Variants in AGBL4 observed in about 807,000 individuals in gnomAD.
AGBL4 encodes AGBL carboxypeptidase 4, also known as cytosolic carboxypeptidase 6.
In AGBL4, 58 loss-of-function variants were observed where a neutral mutation model predicts 66.4. The observed-to-expected ratio is 0.87, with a 90% CI of 0.71 to 1.09. The LOEUF (loss-of-function observed/expected upper bound fraction) is 1.09, where lower values mean the gene tolerates loss of function less well. AGBL4 is among the 50% of genes least tolerant of loss of function. The probability of loss-of-function intolerance (pLI) is 0.00; values close to 1 mark genes in which losing one functional copy is unlikely to be tolerated. For missense variants in AGBL4, 579 were observed against 631.0 expected, an observed-to-expected ratio of 0.92 and a Z score of 0.88; for synonymous variants, 234 against 222.9, an observed-to-expected ratio of 1.05 and a Z score of -0.44.
intron 3 of AGBL4, among the ~76,000 whole-genome samples, chr1:49,263,225 C>G (rs929388823): frequency 2.1e-5 from 3 of 142,702 alleles, no homozygotes; most frequent in Non-Finnish European, 4.8e-5. Flanking sequence ...TTAATGGGTG[C>G]AGCACACCAG....
At chr1:49,341,089 G>C (rs1368932504) in intron 3 of AGBL4, among the ~76,000 whole-genome samples, 1 of 152,114 alleles carries the variant, frequency 6.6e-6, no homozygotes, top group African/African-American at 2.4e-5. Flanking sequence ...TTTCAGGAAT[G>C]CCCTAATCTA....
intron 3 of AGBL4, among the ~76,000 whole-genome samples, chr1:49,567,365 G>T (rs994464058): frequency 2.0e-5 from 3 of 152,164 alleles, no homozygotes; most frequent in Non-Finnish European, 4.4e-5. Flanking sequence ...AGTTGGAAAT[G>T]CAGAAATCAC....
At chr1:49,429,849 TA>T (rs1396330135) in intron 3 of AGBL4, among the ~76,000 whole-genome samples, 2 of 143,742 alleles carry the variant, frequency 1.4e-5, no homozygotes, top group East Asian at 1.9e-4. Context: ...TCTTTGAATA[TA>T]TTTTTTTTTT....
intron 1 of AGBL4, among the ~76,000 whole-genome samples, chr1:49,926,188 G>A (rs771851691): frequency 3.9e-5 from 6 of 152,194 alleles, no homozygotes; most frequent in Non-Finnish European, 7.3e-5. Context: ...AGAAAGAGAC[G>A]TTCTGCTTAT....
In AGBL4 at chr1:49,259,096, A is replaced by C. The variant is rs187993691; in HGVS notation, c.283-13232T>G. Among the ~76,000 whole-genome samples the C allele has an allele frequency of 3.3e-5, 5 of 152,252 alleles. No homozygotes were observed. The East Asian group carries it at 9.7e-4, about 29-fold the overall frequency. Reference sequence around the variant, plus strand: ...AGGAGAAATAAAATACCTTACAGACAAGCAAATGCTGAGAGACTTTGTCAC... The same window carrying C: ...AGGAGAAATAAAATACCTTACAGACCAGCAAATGCTGAGAGACTTTGTCAC... On this transcript the variant is annotated intron_variant, in intron 3 of 13. Coordinates refer to ENST00000371839, the MANE Select transcript of AGBL4 (RefSeq NM_032785.4).
chr1:49,286,226 C>A (rs1302314617), intron 3 of AGBL4, among the ~76,000 whole-genome samples: 1 of 152,108 alleles, frequency 6.6e-6, no homozygotes. Flanking sequence ...ATAATAAGAG[C>A]TATCTATGAC....
intron 3 of AGBL4, among the ~76,000 whole-genome samples, chr1:49,562,528 G>C (rs183817209): frequency 6.6e-6 from 1 of 152,048 alleles, no homozygotes; most frequent in South Asian, 2.1e-4. Context: ...TCTGCTTATG[G>C]CTAGCCAGTT....
chr1:49,222,893 G>A (rs1301298936), intron 4 of AGBL4, among the ~76,000 whole-genome samples: 2 of 152,182 alleles, frequency 1.3e-5, no homozygotes, highest in East Asian at 1.9e-4. Flanking sequence ...CAGACATGGT[G>A]TTTTTTTATT....
chr1:49,119,311 T>G (rs897354291), intron 4 of AGBL4, among the ~76,000 whole-genome samples: 1 of 152,228 alleles, frequency 6.6e-6, no homozygotes, highest in African/African-American at 2.4e-5. Context: ...TTTAGATCTT[T>G]TCTGCCTTCT....
intron 2 of AGBL4, among the ~76,000 whole-genome samples, chr1:49,834,580 T>A (rs1334156684): frequency 6.6e-6 from 1 of 152,210 alleles, no homozygotes; most frequent in South Asian, 2.1e-4. Flanking sequence ...CTCCTTCAGT[T>A]CTGCTCTGAT....
chr1:49,576,481 C>A (rs1644438855), intron 3 of AGBL4, among the ~76,000 whole-genome samples: 1 of 152,206 alleles, frequency 6.6e-6, no homozygotes, highest in Admixed American at 6.5e-5. Context: ...CTGCACATAA[C>A]TACTCTCTTT....
At chr1:50,022,041 G>C (rs1412322164) in intron 1 of AGBL4, among the ~76,000 whole-genome samples, 1 of 151,852 alleles carries the variant, frequency 6.6e-6, no homozygotes, top group African/African-American at 2.4e-5. Flanking sequence ...CTGCTGCCTC[G>C]ACCACTCTTT....
intron 3 of AGBL4, among the ~76,000 whole-genome samples, chr1:49,633,010 GTTGCAGTGAGCTGAGA>G (rs1439938079): frequency 6.6e-6 from 1 of 152,080 alleles, no homozygotes; most frequent in Non-Finnish European, 1.5e-5. Flanking sequence ...GGAGGCAGAG[GTTGCAGTGAGCTGAGA>G]TTGCACCACT....
rs879654490 is a variant in AGBL4 at position 49,011,089 on chromosome 1, A to C, written c.594+34495T>G. 4.5e-3 allele frequency among the ~76,000 whole-genome samples: 687 copies of C among 151,174 alleles called. 2 individuals are homozygous for C. Among genetic ancestry groups the C allele is most frequent in the Non-Finnish European group, 7.7e-3 (515 of 67,188 alleles). On this transcript the variant is annotated intron_variant, in intron 5 of 13. Transcript: ENST00000371839. ...AAAAGAAACTACCATCAGAGTGAAC[A>C]GGCAACCTACAAAATGGGAGAAAAT...
chr1:49,723,740 T>C (rs1370906705), intron 2 of AGBL4, among the ~76,000 whole-genome samples: 3 of 152,168 alleles, frequency 2.0e-5, no homozygotes, highest in Non-Finnish European at 1.5e-5. Context: ...GGCAAAGTGA[T>C]TGAAAACACT....
intron 11 of AGBL4, among the ~76,000 whole-genome samples, chr1:48,573,237 G>C (rs551793641): frequency 1.3e-4 from 20 of 152,088 alleles, no homozygotes; most frequent in Non-Finnish European, 2.5e-4. Flanking sequence ...ATCATTTCTC[G>C]CTTACTATGC....
chr1:49,905,286 A>C (rs1308689361), intron 1 of AGBL4, among the ~76,000 whole-genome samples: 1 of 152,186 alleles, frequency 6.6e-6, no homozygotes, highest in African/African-American at 2.4e-5. Flanking sequence ...GGATTAAAGC[A>C]TAGGGAGATC....
intron 3 of AGBL4, among the ~76,000 whole-genome samples, chr1:49,347,940 T>C (rs1340352913): frequency 6.6e-6 from 1 of 152,162 alleles, no homozygotes; most frequent in Non-Finnish European, 1.5e-5. Context: ...TTCCACATGA[T>C]CCGGGAACCC....
At chr1:49,311,178 T>C (rs1237536906) in intron 3 of AGBL4, among the ~76,000 whole-genome samples, 1 of 152,066 alleles carries the variant, frequency 6.6e-6, no homozygotes, top group East Asian at 1.9e-4. Context: ...ATCCTTATTT[T>C]TGTCTGTTCC....
Sources: gnomAD v4.1 joint callset for allele counts (sites outside exome capture counted in the v4.1 genomes callset) on GRCh38, gnomAD v4.1.1 for gene constraint, MANE v1.5 for transcripts, NCBI Gene and HGNC (gene_info 2026-07-23, HGNC 2026-07-21) for gene names.